Variants in ACKR2 observed in about 807,000 individuals in gnomAD.
ACKR2 encodes the protein atypical chemokine receptor 2.
For synonymous variants in ACKR2, 207 were observed against 192.2 expected, an observed-to-expected ratio of 1.08 and a Z score of -0.64; for missense variants, 457 against 477.3, an observed-to-expected ratio of 0.96 and a Z score of 0.40.
intron 2 of ACKR2, among the ~76,000 whole-genome samples, chr3:42,828,200 C>T (rs1700893322): frequency 6.6e-6 from 1 of 151,348 alleles, no homozygotes; most frequent in South Asian, 2.1e-4. Flanking sequence ...ATCTCTGCCT[C>T]CAGGGTTCAA....
chr3:42,829,349 C>T (rs894498579), intron 2 of ACKR2, among the ~76,000 whole-genome samples: 1 of 152,082 alleles, frequency 6.6e-6, no homozygotes, highest in Non-Finnish European at 1.5e-5. Context: ...GGCAATAGCC[C>T]CTATTGAGCT....
intron 2 of ACKR2, among the ~76,000 whole-genome samples, chr3:42,825,902 G>A (rs568383898): frequency 6.7e-6 from 1 of 148,436 alleles, no homozygotes; most frequent in South Asian, 2.1e-4. Flanking sequence ...TCAGGTTGAG[G>A]ATGTTCCCTA....
intron 1 of ACKR2, among the ~76,000 whole-genome samples, chr3:42,815,772 C>A (rs112647965): frequency 6.6e-5 from 10 of 152,306 alleles, no homozygotes; most frequent in African/African-American, 2.2e-4. Flanking sequence ...TTTTCTTTCT[C>A]ACACTTTATG....
At chr3:42,828,421 A>G (rs1044193369) in intron 2 of ACKR2, among the ~76,000 whole-genome samples, 41 of 152,088 alleles carry the variant, frequency 2.7e-4, no homozygotes, top group African/African-American at 9.7e-4. Flanking sequence ...AGCTTGCATT[A>G]TATTTTGATT....
chr3:42,864,034 A>T (rs1391875933), intron 2 of ACKR2, among the ~76,000 whole-genome samples: 2 of 152,182 alleles, frequency 1.3e-5, no homozygotes, highest in Non-Finnish European at 2.9e-5. Flanking sequence ...AAAAAGCCCC[A>T]CTGAAGCTAA....
At position 42,864,827 on chromosome 3, in the gene ACKR2, C is replaced by T; in HGVS notation, c.325C>T (p.His109Tyr). 6.2e-7 allele frequency: 1 copy of T among 1,614,208 alleles called. No homozygotes were observed. The highest frequency in any genetic ancestry group is 8.5e-7 in the Non-Finnish European group (1 of 1,180,046). The change falls in exon 3 of 3, where the codon CAT becomes TAT. Residue 109 changes from histidine to tyrosine, a missense_variant. Transcript: ENST00000422265. ...CTTCTGGGGCATCTCCGTGGCCTGG[C>T]ATTGGGTCTTCGGGAGTTTCTTGTG... is the stretch of plus-strand genomic sequence containing the variant. ...LPFWGISVAWHWVFGSFLCKM... is the reference protein window; with the variant it reads ...LPFWGISVAWYWVFGSFLCKM...
chr3:42,844,624 A>C (rs1701073806), intron 2 of ACKR2, among the ~76,000 whole-genome samples: 1 of 152,214 alleles, frequency 6.6e-6, no homozygotes, highest in Non-Finnish European at 1.5e-5. Context: ...GACGAGGGCC[A>C]CCAATGGTGC....
At chr3:42,834,531 T>G (rs1700967172) in intron 2 of ACKR2, 2 of 151,998 alleles carry the variant, frequency 1.3e-5, no homozygotes, top group Non-Finnish European at 2.9e-5. Context: ...CGAGCCACTA[T>G]GTCTGGGTAA....
intron 1 of ACKR2, among the ~76,000 whole-genome samples, chr3:42,818,352 C>G (rs1026596403): frequency 2.0e-5 from 3 of 152,202 alleles, no homozygotes; most frequent in Admixed American, 6.5e-5. Context: ...TCACATCCAG[C>G]CAGTGACATC....
In ACKR2 at chr3:42,864,731, C is replaced by T; in HGVS notation, c.229C>T (p.Arg77Cys). The T allele has an allele frequency of 1.9e-6, 3 of 1,614,212 alleles. No individual in the cohort carries two copies. The highest frequency in any genetic ancestry group is 2.5e-6 in the Non-Finnish European group (3 of 1,180,052). ...CATGGTCTTGCTCCGTTACGTGCCT[C>T]GCAGGCGGATGGTTGAGATCTATCT... ...LLMVLLRYVP[R>C]RRMVEIYLLN... Residue 77 changes from arginine (R) to cysteine (C), a missense_variant, in exon 3 of 3, where the codon CGC becomes TGC. Physicochemically the swap from Arg to Cys is radical, Grantham distance 180. Transcript: ENST00000422265.
rs1701172541 is a variant in ACKR2 at position 42,852,542 on chromosome 3, G to A, written c.-37-11924G>A. Reference sequence around the variant, plus strand: ...ATTGAGTGATGTGGGGTCCCAGGGAGCGTGGGGAGCAGGCAGGCCTCACAT... The same window carrying A: ...ATTGAGTGATGTGGGGTCCCAGGGAACGTGGGGAGCAGGCAGGCCTCACAT... On this transcript the variant is annotated intron_variant, in intron 2 of 2. Transcript: ENST00000422265. The surrounding 1 kb of genome is among the most constrained non-coding windows in gnomAD (Gnocchi z 4.3). 6.6e-6 allele frequency: 1 copy of A among 152,248 alleles called. No individual in the cohort carries two copies. The highest frequency in any genetic ancestry group is 6.5e-5 in the Admixed American group (1 of 15,282). The allele number at this position is 152,248 out of a possible 1,614,324, so 9.4% of individuals were successfully genotyped here. A position where few individuals can be genotyped will look rare whatever the true frequency, so the allele number is the denominator to read the frequency against.
At chr3:42,856,298 C>T (rs574774487) in intron 2 of ACKR2, 104 of 688,274 alleles carry the variant, frequency 1.5e-4, no homozygotes, top group Non-Finnish European at 2.0e-4. Flanking sequence ...CAGATGCCAT[C>T]GGATAGGAGC....
intron 2 of ACKR2, among the ~76,000 whole-genome samples, chr3:42,831,087 GGCCAGATGGA>G (rs1212876381): frequency 6.6e-6 from 1 of 152,126 alleles, no homozygotes; most frequent in Non-Finnish European, 1.5e-5. Flanking sequence ...CTCTCATCGT[GGCCAGATGGA>G]GCCAGAGATT....
At position 42,865,447 on chromosome 3, in the gene ACKR2, C is replaced by T. The variant is rs2088426655; in HGVS notation, c.945C>T (p.Ser315=). The change falls in exon 3 of 3, where the codon TCC becomes TCT. Residue 315 remains serine (S), a synonymous_variant. Transcript: ENST00000422265. ...CCFSPILYAF[S]SHRFRQYLKA... is the part of the protein sequence containing the mutation. ...TTTCCCCCATCCTGTATGCCTTCTCCAGTCACCGCTTCCGCCAGTACCTGA... is the reference window on the plus strand; with the variant it reads ...TTTCCCCCATCCTGTATGCCTTCTCTAGTCACCGCTTCCGCCAGTACCTGA... 1 of 1,614,176 alleles carries T rather than the reference C, an allele frequency of 6.2e-7. No homozygotes were observed.
intron 2 of ACKR2, among the ~76,000 whole-genome samples, chr3:42,820,037 C>A (rs1425609189): frequency 6.6e-6 from 1 of 152,190 alleles, no homozygotes; most frequent in Non-Finnish European, 1.5e-5. Context: ...CCAAGCTCTC[C>A]AAGTCATTCT....
chr3:42,866,003 C>T lies in ACKR2; in HGVS notation c.*346C>T. 4.0e-6 allele frequency: 1 copy of T among 248,842 alleles called. No homozygotes were observed. Among genetic ancestry groups the T allele is most frequent in the Non-Finnish European group, 7.7e-6 (1 of 130,240 alleles). The allele number at this position is 248,842 out of a possible 1,614,324, so 15.4% of individuals were successfully genotyped here. On this transcript the variant is annotated 3_prime_UTR_variant, in exon 3 of 3. Coordinates refer to ENST00000422265, the MANE Select transcript of ACKR2 (RefSeq NM_001296.5). ...TCCTTCCTTCTGACAGGGTCTTGCT[C>T]TATTGCTCTGTCACCCAGGCTGGAA...
At chr3:42,815,382 C>G (rs1447864434) in intron 1 of ACKR2, among the ~76,000 whole-genome samples, 1 of 152,180 alleles carries the variant, frequency 6.6e-6, no homozygotes, top group Admixed American at 6.5e-5. Flanking sequence ...TCTTTAAAGA[C>G]CAGTCCCCAG....
intron 2 of ACKR2, among the ~76,000 whole-genome samples, chr3:42,854,649 C>G (rs1271927289): frequency 6.6e-6 from 1 of 152,108 alleles, no homozygotes; most frequent in Non-Finnish European, 1.5e-5. Context: ...CTTCCCAGGA[C>G]TATGGTGAAG....
At chr3:42,825,822 T>TTTACCA (rs1398444754) in intron 2 of ACKR2, among the ~76,000 whole-genome samples, 4 of 151,598 alleles carry the variant, frequency 2.6e-5, no homozygotes, top group African/African-American at 9.7e-5. Context: ...ATTTCAGTCT[T>TTTACCA]TTACCATTAA....
Sources: allele counts gnomAD v4.1 joint callset (sites outside exome capture counted in the v4.1 genomes callset), GRCh38; gene constraint gnomAD v4.1.1; non-coding constraint Gnocchi (gnomAD v3.1); transcripts MANE v1.5; gene names NCBI Gene and HGNC (gene_info 2026-07-23, HGNC 2026-07-21).